Variants in LUZP2 observed in about 807,000 individuals in gnomAD.
LUZP2 encodes the protein leucine zipper protein 2.
In LUZP2, 52 loss-of-function variants were observed where a neutral mutation model predicts 51.6. The observed-to-expected ratio is 1.01, with a 90% CI of 0.81 to 1.27. The LOEUF (loss-of-function observed/expected upper bound fraction) is 1.27. LUZP2 is among the 50% of genes most tolerant of loss of function. LUZP2 has a pLI of 0.00. For missense variants in LUZP2, 436 were observed against 395.4 expected, an observed-to-expected ratio of 1.10 and a Z score of -0.87; for synonymous variants, 154 against 137.3, an observed-to-expected ratio of 1.12 and a Z score of -0.85.
At chr11:24,722,677 G>A (rs1223631538) in intron 1 of LUZP2, among the ~76,000 whole-genome samples, 1 of 152,104 alleles carries the variant, frequency 6.6e-6, no homozygotes, top group African/African-American at 2.4e-5. Flanking sequence ...CAGCACTTTG[G>A]GAGGCCAAGG....
chr11:25,053,542 CTTTTTTT>C (rs35513610), intron 10 of LUZP2, among the ~76,000 whole-genome samples: 1 of 145,090 alleles, frequency 6.9e-6, no homozygotes. Flanking sequence ...TCCCACATGC[CTTTTTTT>C]TTTTTTTTTT....
intron 5 of LUZP2, among the ~76,000 whole-genome samples, chr11:24,769,848 A>G (rs1236441420): frequency 6.6e-6 from 1 of 150,936 alleles, no homozygotes; most frequent in South Asian, 2.1e-4. Flanking sequence ...GCTGGAGTGC[A>G]GTGGCACCAT....
intron 5 of LUZP2, among the ~76,000 whole-genome samples, chr11:24,817,293 G>T (rs567408175): frequency 6.6e-6 from 1 of 151,998 alleles, no homozygotes; most frequent in Non-Finnish European, 1.5e-5. Flanking sequence ...AAGATATTTC[G>T]GACCCGGTGC....
At chr11:25,055,334 C>T (rs576927704) in intron 10 of LUZP2, among the ~76,000 whole-genome samples, 127 of 152,160 alleles carry the variant, frequency 8.3e-4, no homozygotes, top group African/African-American at 2.4e-3. Flanking sequence ...AAATTTCTTT[C>T]AGCAATGTTT....
intron 5 of LUZP2, among the ~76,000 whole-genome samples, chr11:24,838,029 A>G (rs770087134): frequency 6.6e-6 from 1 of 151,648 alleles, no homozygotes; most frequent in Non-Finnish European, 1.5e-5. Context: ...TTAGCCCTTC[A>G]TATTCTACAA....
chr11:25,062,224 T>TAA (rs10639613), intron 10 of LUZP2, among the ~76,000 whole-genome samples: 60,004 of 150,170 alleles, frequency 0.4, 13,763 homozygotes, highest in Non-Finnish European at 0.5. Context: ...ATAGAAATGA[T>TAA]AAAGACAGAA....
rs546720995 is a variant in LUZP2, at chr11:24,497,435, T to A, written c.62+130T>A. The A allele has an allele frequency of 2.9e-5, 16 of 545,758 alleles. No individual in the cohort carries two copies. The African/African-American group carries it at 2.9e-4, about 10-fold the overall frequency. 33.8% of individuals were successfully genotyped at this position (545,758 alleles called of 1,614,324 possible). On this transcript the variant is annotated intron_variant, in intron 1 of 11. Transcript: ENST00000336930. ...TCTCCCGCCTAAGCAAGAGGGACGC[T>A]GTATGGTTTGGGCTCTGAAATCCTT...
At chr11:25,053,373 A>G (rs567546205) in intron 10 of LUZP2, among the ~76,000 whole-genome samples, 5 of 152,272 alleles carry the variant, frequency 3.3e-5, no homozygotes, top group African/African-American at 1.2e-4. Flanking sequence ...AATGAAGCTA[A>G]TTATTTTTGA....
chr11:24,917,647 A>T (rs1453132684), intron 7 of LUZP2, among the ~76,000 whole-genome samples: 1 of 151,840 alleles, frequency 6.6e-6, no homozygotes, highest in African/African-American at 2.4e-5. Flanking sequence ...ATGGTTGTAG[A>T]TGTGTGGTAT....
chr11:25,024,575 G>C (rs1202981922), intron 9 of LUZP2, among the ~76,000 whole-genome samples: 1 of 152,044 alleles, frequency 6.6e-6, no homozygotes, highest in African/African-American at 2.4e-5. Context: ...AAATACCTAG[G>C]AATCCAACTT....
At chr11:24,908,643 A>C (rs1708512842) in intron 6 of LUZP2, among the ~76,000 whole-genome samples, 1 of 152,138 alleles carries the variant, frequency 6.6e-6, no homozygotes, top group African/African-American at 2.4e-5. Context: ...CTGGGTTTTG[A>C]ATTAATATAT....
chr11:24,787,248 G>A (rs902303323), intron 5 of LUZP2, among the ~76,000 whole-genome samples: 3 of 152,118 alleles, frequency 2.0e-5, no homozygotes, highest in African/African-American at 7.2e-5. Context: ...GTTGTGCCAT[G>A]ACTCAAGCTA....
At chr11:24,803,902 G>A (rs1231477149) in intron 5 of LUZP2, among the ~76,000 whole-genome samples, 3 of 150,458 alleles carry the variant, frequency 2.0e-5, no homozygotes, top group Non-Finnish European at 4.4e-5. Context: ...CTTATGGTAA[G>A]TGAGTTTTTC....
intron 1 of LUZP2, among the ~76,000 whole-genome samples, chr11:24,574,309 TTTCC>T (rs1852563199): frequency 1.0e-4 from 1 of 9,566 alleles, no homozygotes; most frequent in African/African-American, 1.9e-4. Flanking sequence ...TTCTTTTTCT[TTTCC>T]CTCCCTCCCT....
intron 1 of LUZP2, among the ~76,000 whole-genome samples, chr11:24,527,861 C>A (rs962801331): frequency 6.6e-6 from 1 of 151,182 alleles, no homozygotes; most frequent in Non-Finnish European, 1.5e-5. Flanking sequence ...TCTTTCAGAC[C>A]CAAAGCTCAG....
chr11:24,887,060 G>T (rs1032938869), intron 5 of LUZP2, among the ~76,000 whole-genome samples: 1 of 152,104 alleles, frequency 6.6e-6, no homozygotes, highest in African/African-American at 2.4e-5. Flanking sequence ...ACTAGCAGGT[G>T]CCCTGTTGGC....
At chr11:24,706,403 CT>C (rs1271236013) in intron 1 of LUZP2, among the ~76,000 whole-genome samples, 4 of 152,252 alleles carry the variant, frequency 2.6e-5, no homozygotes, top group Admixed American at 2.6e-4. Context: ...ATCTCACCCC[CT>C]GGGAAGAAGC....
chr11:24,878,992 A>G (rs868063251), intron 5 of LUZP2, among the ~76,000 whole-genome samples: 3 of 138,210 alleles, frequency 2.2e-5, no homozygotes, highest in South Asian at 2.4e-4. Flanking sequence ...TATTTTTGAG[A>G]TAGAGTCTCT....
intron 5 of LUZP2, among the ~76,000 whole-genome samples, chr11:24,829,949 G>T (rs545370729): frequency 6.6e-6 from 1 of 152,276 alleles, no homozygotes; most frequent in African/African-American, 2.4e-5. Flanking sequence ...TGCTGTCTGT[G>T]TTGGTCGATC....
Sources: gnomAD v4.1 joint callset for allele counts (sites outside exome capture counted in the v4.1 genomes callset) on GRCh38, gnomAD v4.1.1 for gene constraint, MANE v1.5 for transcripts, NCBI Gene and HGNC (gene_info 2026-07-23, HGNC 2026-07-21) for gene names.